WDPCP: variants seen among roughly 807,000 people sequenced by gnomAD.
WDPCP encodes the protein WD repeat-containing and planar cell polarity effector protein fritz homolog.
Under a neutral mutation model 93.1 loss-of-function variants are expected in WDPCP, and 71 were observed. That is an observed-to-expected ratio of 0.76 (90% CI 0.63 to 0.93). The LOEUF (loss-of-function observed/expected upper bound fraction) is 0.93, where lower values mean the gene tolerates loss of function less well. Among genes scored for constraint, WDPCP ranks in the 40% least tolerant of loss-of-function variants. The pLI is 0.00. For missense variants in WDPCP, 844 were observed against 887.4 expected (o/e 0.95, Z 0.62); for synonymous variants, 315 against 315.0 (o/e 1.00, Z 0.00).
At chr2:63,247,217 T>C (rs756994922) in intron 14 of WDPCP, among the ~76,000 whole-genome samples, 3 of 152,192 alleles carry the variant, frequency 2.0e-5, no homozygotes, top group South Asian at 2.1e-4. Flanking sequence ...TATGCAGTAA[T>C]CTTTTACTCA....
intron 13 of WDPCP, among the ~76,000 whole-genome samples, chr2:63,265,822 G>A (rs1421053092): frequency 6.6e-6 from 1 of 152,184 alleles, no homozygotes. Context: ...CCATGATGAA[G>A]TGGTATTTAT....
intron 1 of WDPCP, among the ~76,000 whole-genome samples, chr2:63,525,738 C>T (rs1439170799): frequency 6.6e-6 from 1 of 152,132 alleles, no homozygotes; most frequent in East Asian, 1.9e-4. Context: ...TGTTAGTGGC[C>T]GTGGCCACAT....
At chr2:63,528,192 T>C (rs1354518319) in intron 1 of WDPCP, among the ~76,000 whole-genome samples, 2 of 152,236 alleles carry the variant, frequency 1.3e-5, no homozygotes, top group Admixed American at 1.3e-4. Flanking sequence ...TGGTAGTTTC[T>C]TTTCCTGTGC....
At chr2:63,416,958 T>G (rs1695481181) in intron 9 of WDPCP, among the ~76,000 whole-genome samples, 1 of 152,232 alleles carries the variant, frequency 6.6e-6, no homozygotes, top group Non-Finnish European at 1.5e-5. Flanking sequence ...ACCCCTTGTT[T>G]TGACAATAGA....
chr2:63,717,350 A>G, intron 2 of WDPCP: 1 of 488,800 alleles, frequency 2.0e-6, no homozygotes, highest in Non-Finnish European at 4.0e-6. Flanking sequence ...ATAGGCACCA[A>G]GGACTGGTAC....
chr2:63,697,532 T>G (rs1341517531), intron 2 of WDPCP, among the ~76,000 whole-genome samples: 1 of 152,080 alleles, frequency 6.6e-6, no homozygotes, highest in Non-Finnish European at 1.5e-5. Context: ...ACAAAGAAAA[T>G]TTGTTGTGTT....
chr2:63,215,624 C>T (rs1677258480), intron 14 of WDPCP, among the ~76,000 whole-genome samples: 1 of 152,306 alleles, frequency 6.6e-6, no homozygotes, highest in African/African-American at 2.4e-5. Context: ...AAAACCTAGG[C>T]AGTACCATTC....
intron 6 of WDPCP, among the ~76,000 whole-genome samples, chr2:63,446,846 A>G (rs1476788092): frequency 1.3e-5 from 2 of 152,206 alleles, no homozygotes; most frequent in African/African-American, 2.4e-5. Flanking sequence ...CTGCTCACCA[A>G]TCAGCCTTCT....
intron 2 of WDPCP, among the ~76,000 whole-genome samples, chr2:63,750,686 T>C (rs1041032087): frequency 1.3e-5 from 2 of 152,160 alleles, no homozygotes; most frequent in Admixed American, 6.6e-5. Context: ...AGTGTTCTTA[T>C]AATTGGGTGA....
the WDPCP span, among the ~76,000 whole-genome samples, chr2:63,837,016 C>T: frequency 1.3e-5 from 2 of 152,140 alleles, no homozygotes; most frequent in Non-Finnish European, 2.9e-5. Context: ...GAAATAATTG[C>T]TACTGCTCTG....
At chr2:63,295,384 G>A (rs1279493173) in intron 13 of WDPCP, among the ~76,000 whole-genome samples, 1 of 151,870 alleles carries the variant, frequency 6.6e-6, no homozygotes. Context: ...ACTATACGCT[G>A]TAAGAGATTT....
At chr2:63,760,850 G>A (rs1287516757) in intron 2 of WDPCP, among the ~76,000 whole-genome samples, 2 of 152,132 alleles carry the variant, frequency 1.3e-5, no homozygotes, top group East Asian at 1.9e-4. Context: ...CAGAGTCAAG[G>A]CCTGCCCACC....
intron 2 of WDPCP, among the ~76,000 whole-genome samples, chr2:63,716,624 C>T (rs1345649393): frequency 6.6e-6 from 1 of 152,122 alleles, no homozygotes; most frequent in Non-Finnish European, 1.5e-5. Flanking sequence ...CACAGAAAAA[C>T]CCTTGTTTGG....
intron 1 of WDPCP, among the ~76,000 whole-genome samples, chr2:63,823,844 T>C (rs1671066719): frequency 6.6e-6 from 1 of 152,064 alleles, no homozygotes; most frequent in Non-Finnish European, 1.5e-5. Context: ...TTCATTATAT[T>C]TGGTCAAAAA....
At chr2:63,709,730 A>G (rs1291717889) in intron 2 of WDPCP, among the ~76,000 whole-genome samples, 1 of 152,148 alleles carries the variant, frequency 6.6e-6, no homozygotes, top group Non-Finnish European at 1.5e-5. Flanking sequence ...TTCCATTCCT[A>G]CCTTGGGATG....
chr2:63,466,312 C>A (rs1445380538), intron 6 of WDPCP, among the ~76,000 whole-genome samples: 2 of 151,760 alleles, frequency 1.3e-5, no homozygotes, highest in Non-Finnish European at 2.9e-5. Flanking sequence ...TTGAAAAAAA[C>A]ACTTTATTAA....
chr2:63,185,876 T>C (rs1674594559), intron 14 of WDPCP, among the ~76,000 whole-genome samples: 1 of 152,198 alleles, frequency 6.6e-6, no homozygotes. Flanking sequence ...TGGGCAGAGC[T>C]GGACCAGGCA....
At position 63,141,865 on chromosome 2, in the gene WDPCP, G is replaced by A. The variant is rs577701637; in HGVS notation, c.2190+11049C>T. On this transcript the variant is annotated intron_variant, in intron 17 of 17. Transcript: ENST00000272321. Reference sequence around the variant, plus strand: ...ATTTTTCCTGATTTAAGCTAGAAGGGCTGTATTTTTTCCAGGAATTTATCC... The same window carrying A: ...ATTTTTCCTGATTTAAGCTAGAAGGACTGTATTTTTTCCAGGAATTTATCC... Among the ~76,000 whole-genome samples, 4 of 152,186 alleles carry A rather than the reference G, an allele frequency of 2.6e-5. No individual in the cohort carries two copies. The South Asian group carries it at 8.3e-4, about 32-fold the overall frequency.
the WDPCP span, among the ~76,000 whole-genome samples, chr2:63,837,986 C>T: frequency 8.6e-5 from 13 of 152,002 alleles, no homozygotes; most frequent in Non-Finnish European, 1.9e-4. Context: ...ATCCTGGCTA[C>T]TCAGGAGGCT....
Sources: gnomAD v4.1 joint callset for allele counts (sites outside exome capture counted in the v4.1 genomes callset) on GRCh38, gnomAD v4.1.1 for gene constraint, MANE v1.5 for transcripts, NCBI Gene and HGNC (gene_info 2026-07-23, HGNC 2026-07-21) for gene names.